Variants in VPS26C observed in about 807,000 individuals in gnomAD.
The protein encoded by VPS26C is vacuolar protein sorting-associated protein 26C.
Under a neutral mutation model 30.6 loss-of-function variants are expected in VPS26C, and 19 were observed. That is an observed-to-expected ratio of 0.62 (90% confidence interval 0.43 to 0.91). The LOEUF is 0.91. VPS26C is among the 40% of genes least tolerant of loss of function. The probability of loss-of-function intolerance (pLI) is 0.00; values close to 1 mark genes in which losing one functional copy is unlikely to be tolerated. For missense variants in VPS26C, 318 were observed against 385.1 expected, an observed-to-expected ratio of 0.83 and a Z score of 1.46; for synonymous variants, 132 against 151.5, an observed-to-expected ratio of 0.87 and a Z score of 0.95.
At chr21:37,236,658 AT>A (rs1314499533) in intron 3 of VPS26C, among the ~76,000 whole-genome samples, 11 of 152,250 alleles carry the variant, frequency 7.2e-5, no homozygotes, top group Non-Finnish European at 1.5e-4. Context: ...GCAAAATACT[AT>A]TAAGTGCTGA....
At position 37,223,462 on chromosome 21, in the gene VPS26C, A is replaced by G. The variant is rs2085869051; in HGVS notation, c.*2082T>C. The G allele has an allele frequency of 6.6e-6, 1 of 152,250 alleles. No homozygotes were observed. The highest frequency in any genetic ancestry group is 2.1e-4 in the South Asian group (1 of 4,832). The allele number at this position is 152,250 out of a possible 1,614,324, so 9.4% of individuals were successfully genotyped here. On this transcript the variant is annotated 3_prime_UTR_variant, in exon 8 of 8. Coordinates refer to ENST00000309117, the MANE Select transcript of VPS26C (RefSeq NM_006052.2). ...TCAGTTTATTAAATTACATAGCAATATACATCCCAAACCTTTTCTCAAAAT... is the reference window on the plus strand; with the variant it reads ...TCAGTTTATTAAATTACATAGCAATGTACATCCCAAACCTTTTCTCAAAAT...
rs559316845 is a variant in VPS26C, at chr21:37,267,077, G to A, written c.57+161C>T. 703 of 712,642 alleles carry A rather than the reference G, an allele frequency of 9.9e-4. 1 individual carries two copies. Among genetic ancestry groups the A allele is most frequent in the Admixed American group, 2.0e-3 (90 of 46,076 alleles). 44.1% of individuals were successfully genotyped at this position (712,642 alleles called of 1,614,324 possible). ...AGCCTCGCGCGGGAAGCACCTGGCG[G>A]GGACGCACCTGGCGGGAACGCACCC... On this transcript the variant is annotated intron_variant, in intron 1 of 7. Transcript: ENST00000309117.
chr21:37,238,121 A>C (rs1376129247), intron 3 of VPS26C: 2 of 231,872 alleles, frequency 8.6e-6, no homozygotes, highest in Non-Finnish European at 8.3e-6. Flanking sequence ...TATAAAACAG[A>C]CAAGTTAATG....
chr21:37,254,804 G>GA (rs550298178), intron 1 of VPS26C, among the ~76,000 whole-genome samples: 82 of 145,512 alleles, frequency 5.6e-4, no homozygotes, highest in African/African-American at 1.6e-3. Context: ...ACTCTGTCTA[G>GA]AAAAAAAAAA....
intron 3 of VPS26C, among the ~76,000 whole-genome samples, chr21:37,237,015 A>G (rs1433154284): frequency 6.6e-6 from 1 of 152,190 alleles, no homozygotes; most frequent in African/African-American, 2.4e-5. Flanking sequence ...TCCTGGGTTC[A>G]AGCAATCCTC....
intron 1 of VPS26C, among the ~76,000 whole-genome samples, chr21:37,247,025 G>A (rs2086143991): frequency 6.6e-6 from 1 of 152,142 alleles, no homozygotes; most frequent in African/African-American, 2.4e-5. Context: ...AAAGTGCTGG[G>A]ATTACAGGTG....
intron 1 of VPS26C, among the ~76,000 whole-genome samples, chr21:37,266,620 C>G (rs916126731): frequency 6.6e-6 from 1 of 152,208 alleles, no homozygotes; most frequent in East Asian, 1.9e-4. Context: ...TGGCCAATGT[C>G]ACAAAACCTG....
Position 37,227,688 on chromosome 21 carries a change from G to C in VPS26C, c.777C>G (p.Thr259=). 1 of 1,614,140 alleles carries C rather than the reference G, an allele frequency of 6.2e-7. No homozygotes were observed. Among genetic ancestry groups the C allele is most frequent in the Non-Finnish European group, 8.5e-7 (1 of 1,180,020 alleles). The change falls in exon 7 of 8, where the codon ACC becomes ACG. Residue 259 remains threonine (T), a synonymous_variant. Transcript: ENST00000309117. ...AGTTGGTGGTCTCCAGTGTAGGGCA[G>C]GTGAACAGCCTAGGGAAGACCATGT... ...PIYMVFPRLF[T]CPTLETTNFK... is the part of the protein sequence containing the mutation.
At chr21:37,230,977 G>A (rs1477189268) in intron 5 of VPS26C, among the ~76,000 whole-genome samples, 1 of 152,208 alleles carries the variant, frequency 6.6e-6, no homozygotes, top group Admixed American at 6.5e-5. Flanking sequence ...CAGCCACAAT[G>A]CAGACAGCGA....
intron 1 of VPS26C, among the ~76,000 whole-genome samples, chr21:37,265,072 T>C (rs1569244071): frequency 2.6e-5 from 4 of 152,154 alleles, no homozygotes. Flanking sequence ...TTATATGAAA[T>C]GTCAAGAATA....
intron 1 of VPS26C, among the ~76,000 whole-genome samples, chr21:37,262,679 C>G (rs1050640309): frequency 6.6e-6 from 1 of 152,146 alleles, no homozygotes; most frequent in African/African-American, 2.4e-5. Flanking sequence ...CTACACAAAT[C>G]ATCAGTGGAT....
intron 1 of VPS26C, among the ~76,000 whole-genome samples, chr21:37,243,881 G>A (rs77144430): frequency 0.031 from 4,678 of 152,230 alleles, 128 homozygotes; most frequent in African/African-American, 0.063. Context: ...GTAACACAGG[G>A]GAACGGAGTT....
chr21:37,248,943 A>C (rs928245540), intron 1 of VPS26C, among the ~76,000 whole-genome samples: 2 of 152,200 alleles, frequency 1.3e-5, no homozygotes, highest in African/African-American at 2.4e-5. Flanking sequence ...ATAGTTTAAT[A>C]ATGAGAAAAC....
chr21:37,252,153 C>T lies in VPS26C; in HGVS notation c.58-11514G>A, dbSNP rs537154883. ...AGGACCAAATGCACTAAGTAGTGAA[C>T]TAACATGAAAACAAAACACCAAGGT... On this transcript the variant is annotated intron_variant, in intron 1 of 7. Coordinates refer to ENST00000309117, the MANE Select transcript of VPS26C (RefSeq NM_006052.2). Among the ~76,000 whole-genome samples the T allele has an allele frequency of 5.3e-5, 8 of 152,298 alleles. No individual in the cohort carries two copies. In the South Asian group the frequency reaches 1.7e-3, roughly 32 times the overall value.
intron 1 of VPS26C, among the ~76,000 whole-genome samples, chr21:37,264,353 G>C (rs1307140705): frequency 6.6e-6 from 1 of 152,156 alleles, no homozygotes; most frequent in Non-Finnish European, 1.5e-5. Flanking sequence ...TAGTCTAAGG[G>C]ACAGAGCTGA....
intron 1 of VPS26C, among the ~76,000 whole-genome samples, chr21:37,246,198 G>A (rs951974345): frequency 1.3e-5 from 2 of 152,052 alleles, no homozygotes; most frequent in African/African-American, 4.8e-5. Context: ...TAGCAAAAGT[G>A]TTCTCATTCA....
chr21:37,267,482 G>C (rs1015654471), upstream of VPS26C: 9 of 604,036 alleles, frequency 1.5e-5, no homozygotes, highest in South Asian at 4.0e-5. Flanking sequence ...TCCTCCTTCC[G>C]GCACAAGAGC....
rs561714730 is a variant in VPS26C, at chr21:37,257,950, C to G, written c.57+9288G>C. On this transcript the variant is annotated intron_variant, in intron 1 of 7. Coordinates refer to ENST00000309117, the MANE Select transcript of VPS26C (RefSeq NM_006052.2). The surrounding 1 kb of genome is among the most constrained non-coding windows in gnomAD (Gnocchi z 4.2). Reference sequence around the variant, plus strand: ...CCATGCAGCGCCCACCAGCCGGCAGCGCCCACCAGCCTGCGCTGCGCTGCA... The same window carrying G: ...CCATGCAGCGCCCACCAGCCGGCAGGGCCCACCAGCCTGCGCTGCGCTGCA... 1.2e-4 allele frequency among the ~76,000 whole-genome samples: 19 copies of G among 152,344 alleles called. No individual in the cohort carries two copies. Among genetic ancestry groups the G allele is most frequent in the Non-Finnish European group, 2.6e-4 (18 of 68,034 alleles).
chr21:37,263,797 A>C (rs1197170018), intron 1 of VPS26C, among the ~76,000 whole-genome samples: 1 of 152,172 alleles, frequency 6.6e-6, no homozygotes, highest in Admixed American at 6.5e-5. Context: ...AGGTAAGTCA[A>C]ATCTTTGGTA....
Sources: gnomAD v4.1 joint callset for allele counts (sites outside exome capture counted in the v4.1 genomes callset) on GRCh38, gnomAD v4.1.1 for gene constraint, Gnocchi (gnomAD v3.1) non-coding constraint, MANE v1.5 for transcripts, NCBI Gene and HGNC (gene_info 2026-07-23, HGNC 2026-07-21) for gene names.